CYSTM1: variants seen among roughly 807,000 people sequenced by gnomAD.
The protein encoded by CYSTM1 is cysteine-rich transmembrane module-containing protein 1.
A neutral mutation model predicts 13.1 loss-of-function variants in CYSTM1; 4 were observed. That is an observed-to-expected ratio of 0.31 (90% CI 0.15 to 0.70). The LOEUF (loss-of-function observed/expected upper bound fraction) is 0.70, where lower values mean the gene tolerates loss of function less well. CYSTM1 is among the 30% of genes least tolerant of loss of function. The probability of loss-of-function intolerance (pLI) is 0.72; values close to 1 mark genes in which losing one functional copy is unlikely to be tolerated. For synonymous variants in CYSTM1, 36 were observed against 42.7 expected (o/e 0.84, Z 0.62); for missense variants, 96 against 121.6 (o/e 0.79, Z 0.99).
intron 1 of CYSTM1, among the ~76,000 whole-genome samples, chr5:140,183,046 G>A (rs1282303670): frequency 1.3e-5 from 2 of 152,198 alleles, no homozygotes; most frequent in Non-Finnish European, 2.9e-5. Context: ...TTGCCAGCAC[G>A]TTAAGCTGTA....
intron 1 of CYSTM1, among the ~76,000 whole-genome samples, chr5:140,184,518 T>C (rs1304975668): frequency 6.6e-6 from 1 of 152,126 alleles, no homozygotes; most frequent in African/African-American, 2.4e-5. Context: ...AAATATGTCT[T>C]TATTGAAGAG....
intron 1 of CYSTM1, among the ~76,000 whole-genome samples, chr5:140,178,441 CTTTTTTT>C (rs577709524): frequency 3.8e-5 from 2 of 52,628 alleles, no homozygotes; most frequent in African/African-American, 8.5e-5. Context: ...CAAGTCCTTC[CTTTTTTT>C]TTTTTTTTTT....
rs1464442471 is a variant in CYSTM1 at position 140,239,863 on chromosome 5, C to T, written c.188-3442C>T. ...CCCCTGGACCTGACCCCCACTCCAC[C>T]TGTAGTCCCCTAGGAATAGTCCCTT... On this transcript the variant is annotated intron_variant, in intron 2 of 2. Transcript: ENST00000261811. The surrounding 1 kb of genome is among the most constrained non-coding windows in gnomAD (Gnocchi z 5.4). Among the ~76,000 whole-genome samples the T allele has an allele frequency of 2.0e-5, 3 of 152,208 alleles. No individual in the cohort carries two copies. Among genetic ancestry groups the T allele is most frequent in the African/African-American group, 7.2e-5 (3 of 41,454 alleles).
intron 2 of CYSTM1, among the ~76,000 whole-genome samples, chr5:140,211,718 G>A (rs188220116): frequency 1.1e-4 from 17 of 152,314 alleles, no homozygotes; most frequent in African/African-American, 4.1e-4. Context: ...AGGCCAAGGT[G>A]GGTGGATCAC....
intron 2 of CYSTM1, among the ~76,000 whole-genome samples, chr5:140,226,597 T>C (rs1764558997): frequency 9.6e-6 from 1 of 103,692 alleles, no homozygotes; most frequent in Admixed American, 1.2e-4. Context: ...TATATATATA[T>C]ATATATATAT....
chr5:140,206,094 C>T (rs913416481), intron 2 of CYSTM1, among the ~76,000 whole-genome samples: 1 of 152,188 alleles, frequency 6.6e-6, no homozygotes, highest in Non-Finnish European at 1.5e-5. Context: ...TCCCTCCCTT[C>T]CTCACCAGGC....
intron 2 of CYSTM1, among the ~76,000 whole-genome samples, chr5:140,214,678 C>T (rs1447268107): frequency 6.6e-6 from 1 of 152,166 alleles, no homozygotes; most frequent in East Asian, 1.9e-4. Context: ...TAGCTTTCTT[C>T]AGTTAGCTTG....
chr5:140,243,282 C>T, intron 2 of CYSTM1, 23 bp from the exon 3 acceptor site: 2 of 1,606,058 alleles, frequency 1.2e-6, no homozygotes, highest in Non-Finnish European at 1.7e-6. Flanking sequence ...CCATTCTCAC[C>T]CTCTTCCCTC....
chr5:140,202,203 A>C (rs1296233778), intron 2 of CYSTM1: 7 of 152,170 alleles, frequency 4.6e-5, no homozygotes, highest in Admixed American at 3.3e-4. Flanking sequence ...CCTAAAGTGC[A>C]GGGATTACAA....
intron 2 of CYSTM1, chr5:140,201,668 G>C (rs1407586203): frequency 6.6e-6 from 1 of 152,142 alleles, no homozygotes; most frequent in Non-Finnish European, 1.5e-5. Flanking sequence ...GTCCATTTTA[G>C]CTTTTTTATG....
chr5:140,205,694 C>T (rs895082441), intron 2 of CYSTM1, among the ~76,000 whole-genome samples: 2 of 152,108 alleles, frequency 1.3e-5, no homozygotes, highest in East Asian at 1.9e-4. Context: ...TTTATGGCAC[C>T]TTGATGAGCA....
Position 140,219,050 on chromosome 5 carries a change from A to AT in CYSTM1, c.188-24254dup, listed in dbSNP as rs1764461584. Among the ~76,000 whole-genome samples, 1 of 152,150 alleles carries AT rather than the reference A, an allele frequency of 6.6e-6. No individual in the cohort carries two copies. The highest frequency in any genetic ancestry group is 2.4e-5 in the African/African-American group (1 of 41,430). On this transcript the variant is annotated intron_variant, in intron 2 of 2. Coordinates refer to ENST00000261811, the MANE Select transcript of CYSTM1 (RefSeq NM_032412.4). The surrounding 1 kb of genome is among the most constrained non-coding windows in gnomAD (Gnocchi z 4.1). Reference sequence around the variant, plus strand: ...TTCAGTGACAAGCTGGCCAAGCCTGATAGAGTTCACCATGGAAGGGAGTTG... The same window carrying AT: ...TTCAGTGACAAGCTGGCCAAGCCTGATTAGAGTTCACCATGGAAGGGAGTTG...
intron 2 of CYSTM1, among the ~76,000 whole-genome samples, chr5:140,224,386 G>A (rs1764525265): frequency 6.6e-6 from 1 of 152,096 alleles, no homozygotes. Context: ...TGATCCGCCC[G>A]CCTCGGCCTC....
At chr5:140,233,269 A>G (rs4913073) in intron 2 of CYSTM1, among the ~76,000 whole-genome samples, 35,101 of 152,112 alleles carry the variant, frequency 0.23, 4,088 homozygotes, top group African/African-American at 0.25. Flanking sequence ...ATGTCATTCC[A>G]GGATACTGCC....
intron 1 of CYSTM1, among the ~76,000 whole-genome samples, chr5:140,180,524 A>G (rs997529109): frequency 2.6e-5 from 4 of 152,238 alleles, no homozygotes; most frequent in Admixed American, 1.3e-4. Context: ...GGAATTGAAC[A>G]TAAACTGACC....
At chr5:140,192,552 A>T (rs1764106231) in intron 1 of CYSTM1, among the ~76,000 whole-genome samples, 1 of 152,134 alleles carries the variant, frequency 6.6e-6, no homozygotes, top group African/African-American at 2.4e-5. Context: ...TGAATGGCCC[A>T]CTTAATCTTA....
chr5:140,232,669 T>C (rs757244200), intron 2 of CYSTM1, among the ~76,000 whole-genome samples: 1 of 152,174 alleles, frequency 6.6e-6, no homozygotes, highest in Non-Finnish European at 1.5e-5. Flanking sequence ...ACAAGACTGC[T>C]TGGAACTAGA....
chr5:140,206,597 G>C (rs923841958), intron 2 of CYSTM1, among the ~76,000 whole-genome samples: 1 of 148,574 alleles, frequency 6.7e-6, no homozygotes, highest in Non-Finnish European at 1.5e-5. Flanking sequence ...AGGGCCTTGT[G>C]CTGAGCACTG....
At chr5:140,212,229 A>G (rs1764376349) in intron 2 of CYSTM1, among the ~76,000 whole-genome samples, 2 of 152,278 alleles carry the variant, frequency 1.3e-5, no homozygotes, top group South Asian at 2.1e-4. Context: ...ACCGCCGCAT[A>G]AGGATGTCTT....
Sources: allele counts gnomAD v4.1 joint callset (sites outside exome capture counted in the v4.1 genomes callset), GRCh38; gene constraint gnomAD v4.1.1; non-coding constraint Gnocchi (gnomAD v3.1); transcripts MANE v1.5; gene names NCBI Gene and HGNC (gene_info 2026-07-23, HGNC 2026-07-21).